Variants in LOXL3 observed in about 807,000 individuals in gnomAD.
LOXL3 encodes lysyl oxidase homolog 3.
In LOXL3, 60 loss-of-function variants were observed where a neutral mutation model predicts 91.8. The ratio of observed to expected loss-of-function variants is 0.65; its 90% CI spans 0.53 to 0.81. The LOEUF (loss-of-function observed/expected upper bound fraction) is 0.81, where lower values mean the gene tolerates loss of function less well. Ranked by LOEUF, LOXL3 falls within the 30% of genes least tolerant of loss-of-function variation. The pLI, the probability that LOXL3 is intolerant of heterozygous loss-of-function variation, is 0.00. For synonymous variants in LOXL3, 355 were observed against 387.6 expected, an observed-to-expected ratio of 0.92 and a Z score of 0.99; for missense variants, 874 against 1,000.4, an observed-to-expected ratio of 0.87 and a Z score of 1.70.
intron 4 of LOXL3, among the ~76,000 whole-genome samples, chr2:74,544,437 T>C (rs1676494877): frequency 1.3e-5 from 2 of 152,220 alleles, no homozygotes; most frequent in Non-Finnish European, 2.9e-5. Context: ...ACCTCTCTTG[T>C]CATTTATTCA....
intron 4 of LOXL3, among the ~76,000 whole-genome samples, chr2:74,545,204 C>G (rs1387941174): frequency 6.6e-6 from 1 of 152,186 alleles, no homozygotes; most frequent in African/African-American, 2.4e-5. Flanking sequence ...CTCTCATTCT[C>G]TATGTTCTAT....
In LOXL3 at chr2:74,550,311, G is replaced by GTT. The variant is rs1676922464; in HGVS notation, c.350_351insAA (p.Glu118ThrfsTer5). ...AGGCACATTCAGTCACACTCTGCTC[G>GTT]GTCCCACTGCAGCTCAAGTTGTCCA... is the stretch of plus-strand genomic sequence containing the variant. On this transcript the variant is annotated frameshift_variant, in exon 3 of 14. Transcript: ENST00000264094. LOFTEE classifies it high-confidence loss of function. 1 of 1,613,984 alleles carries GTT rather than the reference G, an allele frequency of 6.2e-7. No individual in the cohort carries two copies. Among genetic ancestry groups the GTT allele is most frequent in the Admixed American group, 1.7e-5 (1 of 59,982 alleles).
intron 4 of LOXL3, 121 bp from the exon 5 acceptor site, chr2:74,537,049 C>T: frequency 1.3e-6 from 1 of 749,510 alleles, no homozygotes; most frequent in Non-Finnish European, 2.2e-6. Context: ...CATTTATCTC[C>T]TCTTCTTCCC....
At chr2:74,543,507 A>G (rs1293193636) in intron 4 of LOXL3, among the ~76,000 whole-genome samples, 2 of 152,130 alleles carry the variant, frequency 1.3e-5, no homozygotes, top group Admixed American at 1.3e-4. Context: ...AAAGTCAATC[A>G]ATAACCAAGT....
Position 74,533,768 on chromosome 2 carries a change from G to A in LOXL3, c.2189-89C>T, listed in dbSNP as rs568418968. The A allele has an allele frequency of 9.0e-6, 13 of 1,443,428 alleles. No homozygotes were observed. In the Admixed American group the frequency reaches 1.7e-4, roughly 19 times the overall value. The allele number at this position is 1,443,428 out of a possible 1,614,324, so 89.4% of individuals were successfully genotyped here. On this transcript the variant is annotated intron_variant, in intron 13 of 13. Coordinates refer to ENST00000264094, the MANE Select transcript of LOXL3 (RefSeq NM_032603.5). ...GGAGAAGGGTGGGTAGAAGTGGAGG[G>A]ACTGAGAGCTCTACAGGAAGGTGGG...
intron 13 of LOXL3, 29 bp from the exon 14 acceptor site, chr2:74,533,708 C>T (rs780308356): frequency 1.2e-5 from 20 of 1,605,268 alleles, no homozygotes; most frequent in Admixed American, 5.0e-5. Context: ...ATTTGGGAGG[C>T]GCCCTGCACA....
At chr2:74,555,624 C>G, upstream of LOXL3, 1 of 1,614,190 alleles carries the variant, frequency 6.2e-7, no homozygotes. The surrounding 1 kb of genome is among the most constrained non-coding windows in gnomAD (Gnocchi z 6.1). Flanking sequence ...AAGCTTTCTG[C>G]CCTGGAGATG....
rs1479059838 is a variant in LOXL3, at chr2:74,549,408, C to T, written c.653G>A (p.Gly218Asp). 2 of 1,612,028 alleles carry T rather than the reference C, an allele frequency of 1.2e-6. No individual in the cohort carries two copies. The highest frequency in any genetic ancestry group is 2.2e-5 in the South Asian group (2 of 90,732). The stretch of plus-strand genomic sequence containing the variant: ...GTTGACCCTCTTTTCGCTGGGGAAG[C>T]CCAGCATCCCGCAGACCACGTGGCT... ...HNSHVVCGML[G>D]FPSEKRVNAA... Residue 218 changes from glycine to aspartate, a missense_variant, in exon 4 of 14, where the codon GGC becomes GAC. Physicochemically the swap from Gly to Asp is moderately conservative, Grantham distance 94. Coordinates refer to ENST00000264094, the MANE Select transcript of LOXL3 (RefSeq NM_032603.5). The surrounding 1 kb of genome is among the most constrained non-coding windows in gnomAD (Gnocchi z 5.3).
chr2:74,537,102 T>A (rs1676077143), intron 4 of LOXL3, among the ~76,000 whole-genome samples, 174 bp from the exon 5 acceptor site: 1 of 152,226 alleles, frequency 6.6e-6, no homozygotes, highest in East Asian at 1.9e-4. Context: ...ATTGCTGAGT[T>A]TCCAGGCTGA....
intron 4 of LOXL3, among the ~76,000 whole-genome samples, chr2:74,538,578 A>G (rs1214150649): frequency 6.6e-6 from 1 of 152,188 alleles, no homozygotes; most frequent in African/African-American, 2.4e-5. Context: ...CCAGGAGGAA[A>G]ATTAGGGAAC....
chr2:74,552,604 G>A lies in LOXL3; in HGVS notation c.31C>T (p.Pro11Ser), dbSNP rs761181300. MRPVSVWQWS[P>S]WGLLLCLLCS... ...AGCAGGCACAGCAGCAGCCCCCAGGGGCTCCACTGCCAGACACTGACAGGT... is the reference window on the plus strand; with the variant it reads ...AGCAGGCACAGCAGCAGCCCCCAGGAGCTCCACTGCCAGACACTGACAGGT... The change falls in exon 2 of 14, where the codon CCC becomes TCC. Residue 11 changes from proline to serine, a missense_variant. Pro to Ser is a moderately conservative substitution (Grantham distance 74). Coordinates refer to ENST00000264094, the MANE Select transcript of LOXL3 (RefSeq NM_032603.5). 1.3e-6 allele frequency: 2 copies of A among 1,585,130 alleles called. No individual in the cohort carries two copies.
chr2:74,541,782 T>C (rs897745839), intron 4 of LOXL3, among the ~76,000 whole-genome samples: 7 of 151,090 alleles, frequency 4.6e-5, no homozygotes, highest in Non-Finnish European at 8.8e-5. Flanking sequence ...TATATATATA[T>C]ACACAAACAT....
At chr2:74,540,844 A>G (rs950002295) in intron 4 of LOXL3, among the ~76,000 whole-genome samples, 8 of 151,938 alleles carry the variant, frequency 5.3e-5, no homozygotes, top group African/African-American at 1.9e-4. Context: ...TATTTGTTAG[A>G]AGCAGGGTCT....
intron 4 of LOXL3, among the ~76,000 whole-genome samples, chr2:74,542,023 C>T (rs985865179): frequency 2.6e-5 from 4 of 151,552 alleles, no homozygotes; most frequent in South Asian, 2.1e-4. Flanking sequence ...CCAGGGGCAG[C>T]GGCTTACGCC....
At chr2:74,538,729 A>C (rs570217547) in intron 4 of LOXL3, among the ~76,000 whole-genome samples, 69 of 152,160 alleles carry the variant, frequency 4.5e-4, no homozygotes, top group Non-Finnish European at 8.7e-4. Context: ...CAACTAATCA[A>C]ATAAAGCATT....
chr2:74,550,577 C>T lies in LOXL3; in HGVS notation c.314-229G>A, dbSNP rs146377185. 9.8e-3 allele frequency among the ~76,000 whole-genome samples: 1,492 copies of T among 152,204 alleles called. 28 individuals are homozygous for T. The highest frequency in any genetic ancestry group is 0.034 in the African/African-American group (1,413 of 41,528). On this transcript the variant is annotated intron_variant, in intron 2 of 13. Transcript: ENST00000264094. ...TCTGGGGATACTCAAGAACCTGATA[C>T]GGTGAATAAAAAACCAAGAATCAAC...
chr2:74,550,143 T>C (rs1278364657), intron 3 of LOXL3, 42 bp downstream of exon 3: 1 of 1,583,552 alleles, frequency 6.3e-7, no homozygotes, highest in African/African-American at 1.3e-5. Flanking sequence ...TACTCTCGGC[T>C]ATCCTGGGTA....
At position 74,533,649 on chromosome 2, in the gene LOXL3, C is replaced by A; in HGVS notation, c.2219G>T (p.Arg740Met). Reference sequence around the variant, plus strand: ...GGTCTGGCCAGGGTAGCGTTCAAACCTCCTGTTGGCCTCTTCACTGAAGGC... The same window carrying A: ...GGTCTGGCCAGGGTAGCGTTCAAACATCCTGTTGGCCTCTTCACTGAAGGC... ...GDAFSEEANR[R>M]FERYPGQTSN... Residue 740 changes from arginine to methionine, a missense_variant, in exon 14 of 14, where the codon AGG (arginine) becomes ATG (methionine). Transcript: ENST00000264094. The A allele has an allele frequency of 6.2e-7, 1 of 1,614,052 alleles. No homozygotes were observed. Among genetic ancestry groups the A allele is most frequent in the Non-Finnish European group, 8.5e-7 (1 of 1,180,018 alleles).
At position 74,536,564 on chromosome 2, in the gene LOXL3, G is replaced by T; in HGVS notation, c.913-93C>A. The T allele has an allele frequency of 6.8e-7, 1 of 1,461,248 alleles. No individual in the cohort carries two copies. Among genetic ancestry groups the T allele is most frequent in the Non-Finnish European group, 9.3e-7 (1 of 1,071,080 alleles). The allele number at this position is 1,461,248 out of a possible 1,614,324, so 90.5% of individuals were successfully genotyped here. On this transcript the variant is annotated intron_variant, in intron 5 of 13. Coordinates refer to ENST00000264094, the MANE Select transcript of LOXL3 (RefSeq NM_032603.5). This position sits in a 1 kb window ranked among gnomAD's most constrained non-coding sequence, Gnocchi z 4.5. ...GGAGATGAGTGAGACTTTGGTGGAA[G>T]GGAGTGGGTGGTATCAGGTCTGTGG... is the stretch of plus-strand genomic sequence containing the variant.
Sources: gnomAD v4.1 joint callset for allele counts (sites outside exome capture counted in the v4.1 genomes callset) on GRCh38, gnomAD v4.1.1 for gene constraint, Gnocchi (gnomAD v3.1) non-coding constraint, MANE v1.5 for transcripts, NCBI Gene and HGNC (gene_info 2026-07-23, HGNC 2026-07-21) for gene names.